The following PIAS1 variants were observed in gnomAD, a reference collection of about 807,000 sequenced individuals.
PIAS1 encodes protein inhibitor of activated STAT 1.
In PIAS1, 6 loss-of-function variants were observed where a neutral mutation model predicts 71.3. The observed-to-expected ratio is 0.08, with a 90% CI of 0.05 to 0.17. The LOEUF is 0.17. PIAS1 is among the 10% of genes least tolerant of loss of function. The pLI is 1.00. For missense variants in PIAS1, 555 were observed against 793.6 expected, an observed-to-expected ratio of 0.70 and a Z score of 3.61; for synonymous variants, 303 against 292.9, an observed-to-expected ratio of 1.03 and a Z score of -0.35.
rs1027117956 is a variant in PIAS1 at position 68,054,692 on chromosome 15, C to T, written c.24+342C>T. On this transcript the variant is annotated intron_variant, in intron 1 of 13. Transcript: ENST00000249636. This position sits in a 1 kb window ranked among gnomAD's most constrained non-coding sequence, Gnocchi z 4.6. ...ACCTTCCAGTTAGCCTCCCTGCCCC[C>T]CATGGGGAGCTGGGGCTGGGGGCAG... is the stretch of plus-strand genomic sequence containing the variant. The T allele has an allele frequency of 2.2e-5, 5 of 222,388 alleles. No homozygotes were observed. Among genetic ancestry groups the T allele is most frequent in the Non-Finnish European group, 4.4e-5 (5 of 113,810 alleles). The allele number at this position is 222,388 out of a possible 1,614,324, so 13.8% of individuals were successfully genotyped here.
chr15:68,179,561 GTTCTTTTTTTTT>G (rs536511110), intron 11 of PIAS1, among the ~76,000 whole-genome samples: 5,465 of 30,104 alleles, frequency 0.18, 400 homozygotes, highest in African/African-American at 0.35. Flanking sequence ...CTCGTGAAAT[GTTCTTTTTTTTT>G]TTTTTTTTTT....
intron 1 of PIAS1, among the ~76,000 whole-genome samples, chr15:68,073,436 G>A (rs760408897): frequency 9.9e-5 from 15 of 152,160 alleles, no homozygotes; most frequent in Non-Finnish European, 1.6e-4. Context: ...TCTATAGACA[G>A]AGCATGTATT....
In PIAS1 at chr15:68,132,423, C is replaced by T. The variant is rs566895485; in HGVS notation, c.470-9523C>T. Among the ~76,000 whole-genome samples, 13 of 151,860 alleles carry T rather than the reference C, an allele frequency of 8.6e-5. No homozygotes were observed. The East Asian group carries it at 1.7e-3, about 20-fold the overall frequency. On this transcript the variant is annotated intron_variant, in intron 2 of 13. Transcript: ENST00000249636. ...CTGGGAGGTGGAGGTTGCAGTGAGC[C>T]GAGATGGCACCACTGCACTCCAGCC...
intron 1 of PIAS1, among the ~76,000 whole-genome samples, chr15:68,067,690 G>GAGAA (rs1404446860): frequency 6.6e-6 from 1 of 152,050 alleles, no homozygotes; most frequent in Non-Finnish European, 1.5e-5. Context: ...TATTTTCTAA[G>GAGAA]AGAAAGCTAG....
Position 68,178,561 on chromosome 15 carries a change from A to G in PIAS1, c.1481+1907A>G, listed in dbSNP as rs2093033873. ...CTAAAGTTAGAACAAGTATCTATAG[A>G]ATTTCAATTCCAAGATATTTTGTAA... On this transcript the variant is annotated intron_variant, in intron 11 of 13. Coordinates refer to ENST00000249636, the MANE Select transcript of PIAS1 (RefSeq NM_016166.3). The surrounding 1 kb of genome is among the most constrained non-coding windows in gnomAD (Gnocchi z 4.2). 6.6e-6 allele frequency among the ~76,000 whole-genome samples: 1 copy of G among 152,216 alleles called. No homozygotes were observed. The highest frequency in any genetic ancestry group is 2.1e-4 in the South Asian group (1 of 4,836).
chr15:68,144,622 T>TA (rs2092795374), intron 4 of PIAS1, among the ~76,000 whole-genome samples: 1 of 152,160 alleles, frequency 6.6e-6, no homozygotes, highest in Non-Finnish European at 1.5e-5. Flanking sequence ...TTTTAACTAT[T>TA]GCAGCCTAAA....
At chr15:68,079,242 A>G (rs375789505) in intron 1 of PIAS1, among the ~76,000 whole-genome samples, 193 of 152,300 alleles carry the variant, frequency 1.3e-3, no homozygotes, top group African/African-American at 4.4e-3. Flanking sequence ...ATGTTTCTGA[A>G]GACTAGTTTA....
Position 68,072,974 on chromosome 15 carries a change from A to G in PIAS1, c.25-13332A>G, listed in dbSNP as rs377360502. Among the ~76,000 whole-genome samples the G allele has an allele frequency of 5.3e-5, 8 of 152,174 alleles. No individual in the cohort carries two copies. In the East Asian group the frequency reaches 9.6e-4, roughly 18 times the overall value. On this transcript the variant is annotated intron_variant, in intron 1 of 13. Coordinates refer to ENST00000249636, the MANE Select transcript of PIAS1 (RefSeq NM_016166.3). Reference sequence around the variant, plus strand: ...AGTATGCTCAGTAGGCACTGGGTACATTTATATAATGTCCTTATTTGTGAG... The same window carrying G: ...AGTATGCTCAGTAGGCACTGGGTACGTTTATATAATGTCCTTATTTGTGAG...
At chr15:68,151,693 C>CAG (rs2092846187) in intron 6 of PIAS1, among the ~76,000 whole-genome samples, 3 of 72,984 alleles carry the variant, frequency 4.1e-5, no homozygotes, top group Non-Finnish European at 8.0e-5. Context: ...AACACACACA[C>CAG]ACACACACAC....
Position 68,175,763 on chromosome 15 carries a change from C to T in PIAS1, c.1296C>T (p.Val432=), listed in dbSNP as rs779871512. The change falls in exon 10 of 14, where the codon GTC becomes GTT. Residue 432 remains valine (V), a synonymous_variant. Coordinates refer to ENST00000249636, the MANE Select transcript of PIAS1 (RefSeq NM_016166.3). ...AAGTTTCTGCCTCTTACAATGGAGT[C>T]GATGGTGAGTAGTTCTTCACAAGGA... The part of the protein sequence containing the change: ...VQEVSASYNG[V]DGCLSSTLEH... The T allele has an allele frequency of 1.4e-5, 23 of 1,601,316 alleles. No individual in the cohort carries two copies. The Admixed American group carries it at 2.0e-4, about 14-fold the overall frequency.
chr15:68,144,522 C>G (rs2092794405), intron 4 of PIAS1, among the ~76,000 whole-genome samples: 1 of 152,060 alleles, frequency 6.6e-6, no homozygotes, highest in Non-Finnish European at 1.5e-5. Flanking sequence ...TTAAATTACT[C>G]TTTTCCTATA....
chr15:68,109,232 A>C (rs1595731618), intron 2 of PIAS1, among the ~76,000 whole-genome samples: 1 of 152,290 alleles, frequency 6.6e-6, no homozygotes, highest in East Asian at 1.9e-4. Context: ...CTTCTAGTCA[A>C]GGTATTAATA....
chr15:68,142,730 C>T lies in PIAS1; in HGVS notation c.602+393C>T, dbSNP rs976261107. Among the ~76,000 whole-genome samples the T allele has an allele frequency of 1.9e-4, 27 of 143,430 alleles. No individual in the cohort carries two copies. The Admixed American group carries it at 2.0e-3, about 11-fold the overall frequency. The allele number at this position is 143,430 out of a possible 152,430, so 94.1% of individuals were successfully genotyped here. A position where few individuals can be genotyped will look rare whatever the true frequency, so the allele number is the denominator to read the frequency against. On this transcript the variant is annotated intron_variant, in intron 4 of 13. Coordinates refer to ENST00000249636, the MANE Select transcript of PIAS1 (RefSeq NM_016166.3). ...GTTGAGAAGCTCCAGCTAATGATAT[C>T]TTACAATATCATATCAAGTTTTATG...
At chr15:68,064,927 T>C (rs1354725000) in intron 1 of PIAS1, among the ~76,000 whole-genome samples, 4 of 152,198 alleles carry the variant, frequency 2.6e-5, no homozygotes, top group Non-Finnish European at 5.9e-5. Context: ...TAATTTGTTT[T>C]TTGAGATGGG....
chr15:68,121,774 A>C (rs1567051398), intron 2 of PIAS1, among the ~76,000 whole-genome samples: 1 of 152,082 alleles, frequency 6.6e-6, no homozygotes, highest in Non-Finnish European at 1.5e-5. Context: ...CTCTACTTAA[A>C]TCCAAAGAAG....
At chr15:68,091,192 A>G (rs1047234539) in intron 2 of PIAS1, among the ~76,000 whole-genome samples, 2 of 152,148 alleles carry the variant, frequency 1.3e-5, no homozygotes, top group African/African-American at 4.8e-5. Context: ...AAGGAAAAAT[A>G]ATTTTGGATT....
chr15:68,084,849 C>T (rs1375738213), intron 1 of PIAS1, among the ~76,000 whole-genome samples: 7 of 152,062 alleles, frequency 4.6e-5, no homozygotes, highest in African/African-American at 7.2e-5. Context: ...AATACAGATG[C>T]GAAAAGTGGC....
chr15:68,114,464 A>T (rs1441662433), intron 2 of PIAS1, among the ~76,000 whole-genome samples: 2 of 152,092 alleles, frequency 1.3e-5, no homozygotes, highest in East Asian at 1.9e-4. Flanking sequence ...GCTATATTTT[A>T]AAAAATTACA....
chr15:68,070,101 T>C (rs2092077954), intron 1 of PIAS1, among the ~76,000 whole-genome samples: 2 of 152,172 alleles, frequency 1.3e-5, no homozygotes, highest in African/African-American at 2.4e-5. Context: ...GAAGTTTGAT[T>C]GCTGGCTCAC....
Sources: allele counts gnomAD v4.1 joint callset (sites outside exome capture counted in the v4.1 genomes callset), GRCh38; gene constraint gnomAD v4.1.1; non-coding constraint Gnocchi (gnomAD v3.1); transcripts MANE v1.5; gene names NCBI Gene and HGNC (gene_info 2026-07-23, HGNC 2026-07-21).